FSIP1: variants seen among roughly 807,000 people sequenced by gnomAD.
The protein encoded by FSIP1 is fibrous sheath-interacting protein 1.
In FSIP1, 65 loss-of-function variants were observed where a neutral mutation model predicts 60.9. The ratio of observed to expected loss-of-function variants is 1.07; its 90% confidence interval spans 0.87 to 1.31. FSIP1 has a LOEUF of 1.31. FSIP1 is among the 40% of genes most tolerant of loss of function. The pLI is 0.00. For synonymous variants in FSIP1, 209 were observed against 221.2 expected (o/e 0.94, Z 0.49); for missense variants, 675 against 665.5 (o/e 1.01, Z -0.16).
intron 10 of FSIP1, among the ~76,000 whole-genome samples, chr15:39,689,205 G>A (rs1437109146): frequency 1.3e-5 from 2 of 152,104 alleles, no homozygotes; most frequent in Non-Finnish European, 2.9e-5. Context: ...GGAGATGTAC[G>A]TGGAAGGAGC....
intron 1 of FSIP1, among the ~76,000 whole-genome samples, chr15:39,778,718 C>T (rs966187391): frequency 6.6e-6 from 1 of 151,992 alleles, no homozygotes; most frequent in African/African-American, 2.4e-5. Flanking sequence ...GAGGAGTGCA[C>T]AAAAGGAAGC....
intron 1 of FSIP1, among the ~76,000 whole-genome samples, chr15:39,777,186 G>A (rs1270304613): frequency 2.0e-5 from 3 of 151,770 alleles, no homozygotes; most frequent in Admixed American, 2.0e-4. Flanking sequence ...CGCCCACCTC[G>A]GTCTCCCAAA....
chr15:39,602,275 C>A (rs1344130139), intron 11 of FSIP1: 2 of 454,366 alleles, frequency 4.4e-6, no homozygotes, highest in East Asian at 1.4e-4. Context: ...AGTGACGTGG[C>A]CACAAAGCCA....
intron 10 of FSIP1, among the ~76,000 whole-genome samples, chr15:39,677,752 C>T (rs192586187): frequency 6.6e-6 from 1 of 152,270 alleles, no homozygotes; most frequent in East Asian, 1.9e-4. Context: ...TGGCCCAGCA[C>T]TTTGGGAGGC....
At chr15:39,694,635 A>C (rs1370180340) in intron 10 of FSIP1, among the ~76,000 whole-genome samples, 1 of 151,980 alleles carries the variant, frequency 6.6e-6, no homozygotes, top group Non-Finnish European at 1.5e-5. Flanking sequence ...CGCCGTCTCT[A>C]CTAAAAATAC....
intron 10 of FSIP1, among the ~76,000 whole-genome samples, chr15:39,635,855 T>G (rs1407983043): frequency 6.6e-6 from 1 of 152,138 alleles, no homozygotes; most frequent in African/African-American, 2.4e-5. Flanking sequence ...CTAATATCCC[T>G]AGTAAGATTA....
At chr15:39,610,464 G>A (rs1354083981) in intron 11 of FSIP1, among the ~76,000 whole-genome samples, 2 of 152,204 alleles carry the variant, frequency 1.3e-5, no homozygotes, top group East Asian at 1.9e-4. Context: ...GGCAGATCAC[G>A]ATGTCAGCCT....
At chr15:39,657,473 A>C (rs537155943) in intron 10 of FSIP1, among the ~76,000 whole-genome samples, 35 of 152,350 alleles carry the variant, frequency 2.3e-4, no homozygotes, top group African/African-American at 8.4e-4. Context: ...CTTAATCTTA[A>C]GCAAAAAATT....
chr15:39,708,772 G>A (rs1195502491), intron 10 of FSIP1, among the ~76,000 whole-genome samples: 3 of 152,184 alleles, frequency 2.0e-5, no homozygotes, highest in African/African-American at 7.2e-5. Context: ...CAGAGCAGCT[G>A]TATGACACTG....
intron 10 of FSIP1, among the ~76,000 whole-genome samples, chr15:39,689,299 T>C (rs1297462704): frequency 6.6e-6 from 1 of 152,094 alleles, no homozygotes; most frequent in Non-Finnish European, 1.5e-5. Flanking sequence ...CCAAAACCCA[T>C]GATTTAGGGG....
At chr15:39,610,177 A>C (rs1300400998) in intron 11 of FSIP1, among the ~76,000 whole-genome samples, 1 of 152,206 alleles carries the variant, frequency 6.6e-6, no homozygotes, top group Non-Finnish European at 1.5e-5. Flanking sequence ...AATCTATGGG[A>C]CACCATCAAG....
intron 10 of FSIP1, among the ~76,000 whole-genome samples, chr15:39,641,904 A>G (rs1892385909): frequency 6.6e-6 from 1 of 152,212 alleles, no homozygotes; most frequent in Non-Finnish European, 1.5e-5. Flanking sequence ...CCTTCATAAT[A>G]TTAGTAATAT....
intron 8 of FSIP1, among the ~76,000 whole-genome samples, chr15:39,727,345 A>G (rs1896238159): frequency 6.6e-6 from 1 of 152,216 alleles, no homozygotes; most frequent in Non-Finnish European, 1.5e-5. Flanking sequence ...GGAGTTCTCA[A>G]TTTCTTGGCA....
chr15:39,689,620 C>A (rs576428256), intron 10 of FSIP1, among the ~76,000 whole-genome samples: 230 of 152,300 alleles, frequency 1.5e-3, no homozygotes, highest in African/African-American at 5.3e-3. Context: ...GCTCCTATCA[C>A]CCCTCTCACT....
chr15:39,780,339 A>C (rs1898215252), intron 1 of FSIP1, among the ~76,000 whole-genome samples: 2 of 152,114 alleles, frequency 1.3e-5, no homozygotes, highest in Non-Finnish European at 2.9e-5. Flanking sequence ...CCTGGCTAAC[A>C]CGGTGAAACC....
chr15:39,679,351 G>C (rs16969553), intron 10 of FSIP1, among the ~76,000 whole-genome samples: 4,915 of 152,198 alleles, frequency 0.032, 258 homozygotes, highest in African/African-American at 0.11. Context: ...GACCTGTTGC[G>C]CCGACAAACT....
Position 39,738,256 on chromosome 15 carries a change from G to GA in FSIP1, c.781-56dup, listed in dbSNP as rs34646792. The GA allele has an allele frequency of 6.7e-3, 6,505 of 970,900 alleles. 1 individual carries two copies. Among genetic ancestry groups the GA allele is most frequent in the South Asian group, 0.013 (756 of 56,212 alleles). The allele number at this position is 970,900 out of a possible 1,614,324, so 60.1% of individuals were successfully genotyped here. A position where few individuals can be genotyped will look rare whatever the true frequency, so the allele number is the denominator to read the frequency against. ...ATACTCAAGGAAATTCACAGTTCAGGAAAAAAAAAATGGAATCTGAGACTT... is the reference window on the plus strand; with the variant it reads ...ATACTCAAGGAAATTCACAGTTCAGGAAAAAAAAAAATGGAATCTGAGACTT... On this transcript the variant is annotated intron_variant, in intron 7 of 11. Transcript: ENST00000350221.
chr15:39,763,252 C>T (rs1316045699), intron 5 of FSIP1, among the ~76,000 whole-genome samples: 2 of 152,066 alleles, frequency 1.3e-5, no homozygotes, highest in African/African-American at 4.8e-5. Flanking sequence ...TACAAAAATA[C>T]AAAATGTTTC....
intron 10 of FSIP1, among the ~76,000 whole-genome samples, chr15:39,624,580 T>C (rs1566856966): frequency 6.6e-6 from 1 of 152,224 alleles, no homozygotes; most frequent in African/African-American, 2.4e-5. Context: ...TCTGTATCAA[T>C]GGCGCTAAGG....
Sources: allele counts gnomAD v4.1 joint callset (sites outside exome capture counted in the v4.1 genomes callset), GRCh38; gene constraint gnomAD v4.1.1; transcripts MANE v1.5; gene names NCBI Gene and HGNC (gene_info 2026-07-23, HGNC 2026-07-21).